Variants in KCNQ5 observed in about 807,000 individuals in gnomAD.
KCNQ5 encodes the protein potassium voltage-gated channel subfamily Q member 5.
Under a neutral mutation model 98.2 loss-of-function variants are expected in KCNQ5, and 30 were observed. That is an observed-to-expected ratio of 0.31 (90% CI 0.23 to 0.41). The LOEUF (loss-of-function observed/expected upper bound fraction) is 0.41. Ranked by LOEUF, KCNQ5 falls within the 10% of genes least tolerant of loss-of-function variation. The pLI, the probability that KCNQ5 is intolerant of heterozygous loss-of-function variation, is 1.00. For synonymous variants in KCNQ5, 458 were observed against 449.4 expected, an observed-to-expected ratio of 1.02 and a Z score of -0.24; for missense variants, 835 against 1,182.5, an observed-to-expected ratio of 0.71 and a Z score of 4.31.
At chr6:73,035,787 A>T (rs920243271) in intron 2 of KCNQ5, among the ~76,000 whole-genome samples, 2 of 152,278 alleles carry the variant, frequency 1.3e-5, no homozygotes, top group Middle Eastern at 3.4e-3. Flanking sequence ...TGGCTTTTTT[A>T]AATTTAAATT....
intron 1 of KCNQ5, among the ~76,000 whole-genome samples, chr6:72,975,453 C>T (rs957214148): frequency 6.6e-6 from 1 of 152,196 alleles, no homozygotes; most frequent in Non-Finnish European, 1.5e-5. Context: ...TCAGTGACTT[C>T]ACACACTGAT....
chr6:72,853,928 T>G (rs1562025858), intron 1 of KCNQ5, among the ~76,000 whole-genome samples: 1 of 152,208 alleles, frequency 6.6e-6, no homozygotes, highest in Non-Finnish European at 1.5e-5. Context: ...ACACTGAAAC[T>G]TAAAGGTATA....
intron 1 of KCNQ5, among the ~76,000 whole-genome samples, chr6:72,662,896 A>G (rs1413453852): frequency 2.6e-5 from 4 of 152,224 alleles, no homozygotes; most frequent in African/African-American, 4.8e-5. Context: ...ACTCACTGAT[A>G]CTACTTTCTA....
intron 1 of KCNQ5, among the ~76,000 whole-genome samples, chr6:72,956,852 T>C (rs956950834): frequency 6.6e-6 from 1 of 152,244 alleles, no homozygotes; most frequent in Non-Finnish European, 1.5e-5. Context: ...CAAGATGGGC[T>C]TCTGACATCT....
intron 1 of KCNQ5, among the ~76,000 whole-genome samples, chr6:72,670,882 A>T (rs554157933): frequency 6.6e-6 from 1 of 152,200 alleles, no homozygotes; most frequent in Non-Finnish European, 1.5e-5. Context: ...TTCTGATCCT[A>T]TAGGTCAGAT....
At chr6:72,891,670 T>A (rs1779063285) in intron 1 of KCNQ5, among the ~76,000 whole-genome samples, 1 of 152,220 alleles carries the variant, frequency 6.6e-6, no homozygotes, top group Admixed American at 6.5e-5. Flanking sequence ...TAGAATTCAG[T>A]GCCACCTAAG....
intron 1 of KCNQ5, among the ~76,000 whole-genome samples, chr6:72,972,414 T>C (rs1279104316): frequency 6.6e-6 from 1 of 151,996 alleles, no homozygotes. Context: ...GTGCAGAACA[T>C]GCAGTTTTGT....
chr6:72,622,446 G>T lies in KCNQ5; in HGVS notation c.257G>T (p.Arg86Leu). 6.3e-7 allele frequency: 1 copy of T among 1,576,976 alleles called. No individual in the cohort carries two copies. The highest frequency in any genetic ancestry group is 1.4e-5 in the African/African-American group (1 of 73,004). Residue 86 changes from arginine to leucine, a missense_variant, in exon 1 of 14, where the codon CGG becomes CTG. By Grantham distance (102) the Arg-to-Leu change is moderately radical. Around this residue, in one of 10 missense-constraint regions of KCNQ5, gnomAD observed 54 missense variants for 51.5 expected, o/e 1.05. Transcript: ENST00000370398. The surrounding 1 kb of genome is among the most constrained non-coding windows in gnomAD (Gnocchi z 6.0). The stretch of plus-strand genomic sequence containing the variant: ...AGCCGCCGGGGCAAGCAGGGGGCCC[G>T]GATGAGCCTGCTGGGGAAGCCGCTC... ...RESRRGKQGA[R>L]MSLLGKPLSY...
At chr6:72,641,570 C>T (rs2098927197) in intron 1 of KCNQ5, among the ~76,000 whole-genome samples, 1 of 152,006 alleles carries the variant, frequency 6.6e-6, no homozygotes, top group South Asian at 2.1e-4. Flanking sequence ...TAAGGCATAT[C>T]TTCAGCTTTG....
At chr6:72,698,387 G>C (rs184064108) in intron 1 of KCNQ5, among the ~76,000 whole-genome samples, 1 of 152,004 alleles carries the variant, frequency 6.6e-6, no homozygotes, top group South Asian at 2.1e-4. Context: ...GTTTTGAGTA[G>C]AGATGGGGTT....
intron 1 of KCNQ5, among the ~76,000 whole-genome samples, chr6:72,946,969 T>G (rs1281770870): frequency 6.6e-6 from 1 of 152,204 alleles, no homozygotes; most frequent in Non-Finnish European, 1.5e-5. Context: ...TCTTCCAGTC[T>G]GGCAGTCTCA....
intron 1 of KCNQ5, among the ~76,000 whole-genome samples, chr6:72,831,875 A>T (rs1260786442): frequency 6.6e-6 from 1 of 152,068 alleles, no homozygotes; most frequent in Admixed American, 6.6e-5. Flanking sequence ...GCCTGATTTC[A>T]GGGAGTATGT....
intron 1 of KCNQ5, among the ~76,000 whole-genome samples, chr6:72,625,039 G>A (rs915444833): frequency 6.6e-6 from 1 of 152,178 alleles, no homozygotes; most frequent in Non-Finnish European, 1.5e-5. Context: ...TTTAATAACA[G>A]TATTTGTAGC....
intron 3 of KCNQ5, among the ~76,000 whole-genome samples, chr6:73,052,018 C>A (rs1222175257): frequency 1.3e-5 from 2 of 152,062 alleles, no homozygotes; most frequent in East Asian, 3.9e-4. Flanking sequence ...AGATGAAAGA[C>A]GAAATGGCCA....
chr6:72,819,635 T>C (rs1046837241), intron 1 of KCNQ5, among the ~76,000 whole-genome samples: 1 of 152,162 alleles, frequency 6.6e-6, no homozygotes, highest in African/African-American at 2.4e-5. Context: ...ATACATGCCC[T>C]TGCTCCAGGA....
intron 1 of KCNQ5, among the ~76,000 whole-genome samples, chr6:72,826,145 C>G (rs575897327): frequency 9.5e-4 from 145 of 152,228 alleles, no homozygotes; most frequent in African/African-American, 3.4e-3. Context: ...CAAAACTACA[C>G]ACTTGCAAGG....
At chr6:72,908,017 A>G (rs1293966171) in intron 1 of KCNQ5, among the ~76,000 whole-genome samples, 1 of 152,166 alleles carries the variant, frequency 6.6e-6, no homozygotes, top group African/African-American at 2.4e-5. Flanking sequence ...ACAATGAACC[A>G]TGACAATAAT....
intron 1 of KCNQ5, among the ~76,000 whole-genome samples, chr6:72,674,541 C>A (rs1767308388): frequency 6.6e-6 from 1 of 152,132 alleles, no homozygotes; most frequent in African/African-American, 2.4e-5. Flanking sequence ...GAGGCCGAGG[C>A]AGGCAGATCA....
intron 1 of KCNQ5, among the ~76,000 whole-genome samples, chr6:72,825,283 A>AT (rs535504189): frequency 6.6e-6 from 1 of 151,788 alleles, no homozygotes; most frequent in Non-Finnish European, 1.5e-5. Flanking sequence ...CCTGATTTCT[A>AT]TTTTTTCCAC....
Sources: gnomAD v4.1 joint callset for allele counts (sites outside exome capture counted in the v4.1 genomes callset) on GRCh38, gnomAD v4.1.1 for gene constraint, gnomAD v4.1.1 regional missense constraint, Gnocchi (gnomAD v3.1) non-coding constraint, MANE v1.5 for transcripts, NCBI Gene and HGNC (gene_info 2026-07-23, HGNC 2026-07-21) for gene names.